DEPTOR: variants seen among roughly 807,000 people sequenced by gnomAD.
DEPTOR encodes the protein DEP domain containing MTOR interacting protein, also known as DEP domain-containing mTOR-interacting protein.
Under a neutral mutation model 41.6 loss-of-function variants are expected in DEPTOR, and 41 were observed. That is an observed-to-expected ratio of 0.98 (90% CI 0.77 to 1.28). DEPTOR has a LOEUF of 1.28. Among genes scored for constraint, DEPTOR ranks in the 50% most tolerant of loss-of-function variants. The probability of loss-of-function intolerance (pLI) is 0.00; values close to 1 mark genes in which losing one functional copy is unlikely to be tolerated. For synonymous variants in DEPTOR, 195 were observed against 192.3 expected (o/e 1.01, Z -0.12); for missense variants, 514 against 527.9 (o/e 0.97, Z 0.26).
intron 3 of DEPTOR, among the ~76,000 whole-genome samples, chr8:119,964,612 T>C (rs919868309): frequency 2.0e-5 from 3 of 151,384 alleles, no homozygotes; most frequent in African/African-American, 7.3e-5. Flanking sequence ...ATAATGCAAT[T>C]AGGAAAGAAA....
At chr8:119,946,530 C>T (rs922598901) in intron 3 of DEPTOR, among the ~76,000 whole-genome samples, 7 of 151,198 alleles carry the variant, frequency 4.6e-5, no homozygotes, top group African/African-American at 1.5e-4. Context: ...CACTGGAGAT[C>T]AGGAGTTCAA....
Position 120,002,980 on chromosome 8 carries a change from GC to G in DEPTOR, c.798del (p.Ser267AlafsTer10). ...GTGTGTTCTCTGGCCTACACAGTGA[GC>G]CCCAGCAAGGAGATCAAGATCGTGT... ...NRKSTSFMSV[S>X]PSKEIKIVSA... On this transcript the variant is annotated frameshift_variant, in exon 6 of 9. Coordinates refer to ENST00000286234, the MANE Select transcript of DEPTOR (RefSeq NM_022783.4). LOFTEE classifies it high-confidence loss of function. 1 of 1,563,160 alleles carries G rather than the reference GC, an allele frequency of 6.4e-7. No individual in the cohort carries two copies.
intron 8 of DEPTOR, among the ~76,000 whole-genome samples, chr8:120,013,928 A>G (rs1005132401): frequency 6.7e-6 from 1 of 149,350 alleles, no homozygotes; most frequent in Admixed American, 6.7e-5. Flanking sequence ...CAACCTCCAC[A>G]TCCTGGGTTC....
chr8:119,880,189 A>AATAAAATAAAATAAAAT (rs1451689648), intron 1 of DEPTOR, among the ~76,000 whole-genome samples: 1 of 151,702 alleles, frequency 6.6e-6, no homozygotes, highest in African/African-American at 2.4e-5. Context: ...AATAAAATAA[A>AATAAAATAAAATAAAAT]GAAGCCCAAC....
At chr8:120,038,695 G>C (rs1813015680) in intron 8 of DEPTOR, among the ~76,000 whole-genome samples, 1 of 152,136 alleles carries the variant, frequency 6.6e-6, no homozygotes, top group African/African-American at 2.4e-5. Flanking sequence ...CATCTATGTG[G>C]TATCTGTGCC....
intron 8 of DEPTOR, among the ~76,000 whole-genome samples, chr8:120,032,211 CTT>C (rs60003356): frequency 9.9e-5 from 12 of 120,912 alleles, no homozygotes; most frequent in Middle Eastern, 4.5e-3. Flanking sequence ...CACTAACTTT[CTT>C]TTTTTTTTTT....
intron 3 of DEPTOR, among the ~76,000 whole-genome samples, chr8:119,950,162 C>T (rs1476400490): frequency 6.6e-6 from 1 of 152,038 alleles, no homozygotes; most frequent in Admixed American, 6.6e-5. Flanking sequence ...GCCTTGGCAC[C>T]CTTGTTGAAA....
intron 3 of DEPTOR, among the ~76,000 whole-genome samples, chr8:119,946,317 A>C (rs1828275689): frequency 6.6e-6 from 1 of 152,194 alleles, no homozygotes; most frequent in South Asian, 2.1e-4. Context: ...TTTTAATGAT[A>C]AAGTTAAATT....
chr8:120,022,180 A>AAAAAAAAAAAAAG, intron 8 of DEPTOR, among the ~76,000 whole-genome samples: 1 of 147,056 alleles, frequency 6.8e-6, no homozygotes, highest in Non-Finnish European at 1.5e-5. Flanking sequence ...AAAAAAAAAG[A>AAAAAAAAAAAAAG]TGCATGGATT....
chr8:120,042,092 A>AG (rs1277653593), intron 8 of DEPTOR, among the ~76,000 whole-genome samples: 1 of 104,462 alleles, frequency 9.6e-6, no homozygotes, highest in Non-Finnish European at 1.9e-5. Flanking sequence ...GATAATTATA[A>AG]GGAAAAAAAA....
intron 3 of DEPTOR, among the ~76,000 whole-genome samples, chr8:119,943,827 T>G (rs4871814): frequency 0.32 from 48,532 of 151,938 alleles, 9,543 homozygotes; most frequent in East Asian, 0.52. Flanking sequence ...GTCTTTTTAA[T>G]TTTTATTTTA....
intron 4 of DEPTOR, among the ~76,000 whole-genome samples, chr8:119,996,484 G>A (rs1374686953): frequency 6.6e-6 from 1 of 152,174 alleles, no homozygotes; most frequent in Non-Finnish European, 1.5e-5. Flanking sequence ...AGAATGTGAT[G>A]AAGAAGGACT....
At chr8:120,026,467 C>A (rs1282529516) in intron 8 of DEPTOR, among the ~76,000 whole-genome samples, 1 of 151,902 alleles carries the variant, frequency 6.6e-6, no homozygotes, top group African/African-American at 2.4e-5. Context: ...CTCAGCCTCC[C>A]AAGTAGCTGA....
intron 1 of DEPTOR, among the ~76,000 whole-genome samples, chr8:119,888,393 C>T (rs889992874): frequency 2.3e-4 from 35 of 152,012 alleles, no homozygotes; most frequent in African/African-American, 6.8e-4. Context: ...GCAGAAGTGT[C>T]GAAAAGCTAT....
chr8:119,959,530 T>TC, intron 3 of DEPTOR, among the ~76,000 whole-genome samples: 1 of 150,728 alleles, frequency 6.6e-6, no homozygotes, highest in African/African-American at 2.4e-5. Flanking sequence ...ATCTAAATAA[T>TC]CTTTTTTTTT....
intron 1 of DEPTOR, among the ~76,000 whole-genome samples, chr8:119,915,945 TAA>T (rs201870960): frequency 1.3e-4 from 17 of 126,630 alleles, no homozygotes; most frequent in Admixed American, 1.8e-4. Context: ...CTTCATTTGT[TAA>T]AAAAAAAAAA....
At chr8:119,915,259 C>A (rs1827797190) in intron 1 of DEPTOR, among the ~76,000 whole-genome samples, 1 of 152,170 alleles carries the variant, frequency 6.6e-6, no homozygotes, top group Non-Finnish European at 1.5e-5. Context: ...GCCACCACGC[C>A]CAGCCTATTT....
At chr8:120,047,268 C>T (rs747632931) in intron 8 of DEPTOR, among the ~76,000 whole-genome samples, 43 of 151,800 alleles carry the variant, frequency 2.8e-4, no homozygotes, top group Admixed American at 7.2e-4. Context: ...GTGATCTGCC[C>T]GCTTCGGCCT....
intron 3 of DEPTOR, among the ~76,000 whole-genome samples, chr8:119,935,827 G>A (rs955019408): frequency 5.3e-5 from 8 of 152,070 alleles, no homozygotes; most frequent in Middle Eastern, 3.4e-3. Flanking sequence ...GTGTGTGTTT[G>A]AGGTACAATT....
Sources: gnomAD v4.1 joint callset for allele counts (sites outside exome capture counted in the v4.1 genomes callset) on GRCh38, gnomAD v4.1.1 for gene constraint, MANE v1.5 for transcripts, NCBI Gene and HGNC (gene_info 2026-07-23, HGNC 2026-07-21) for gene names.